FBXO40: variants seen among roughly 807,000 people sequenced by gnomAD.
The protein encoded by FBXO40 is F-box only protein 40.
In FBXO40, 50 loss-of-function variants were observed where a neutral mutation model predicts 49.9. The ratio of observed to expected loss-of-function variants is 1.00; its 90% CI spans 0.80 to 1.27. The LOEUF is 1.27. Ranked by LOEUF, FBXO40 falls within the 50% of genes most tolerant of loss-of-function variation. FBXO40 has a pLI of 0.00. For synonymous variants in FBXO40, 340 were observed against 320.2 expected (o/e 1.06, Z -0.66); for missense variants, 895 against 870.1 (o/e 1.03, Z -0.36).
At chr3:121,613,283 T>C (rs2048977681) in intron 1 of FBXO40, among the ~76,000 whole-genome samples, 1 of 152,110 alleles carries the variant, frequency 6.6e-6, no homozygotes, top group Admixed American at 6.6e-5. Flanking sequence ...TAGTGCCAAT[T>C]TGGCCAAGGG....
intron 1 of FBXO40, among the ~76,000 whole-genome samples, chr3:121,597,795 G>A (rs942192390): frequency 6.6e-6 from 1 of 151,452 alleles, no homozygotes; most frequent in African/African-American, 2.4e-5. Flanking sequence ...CCGAGCGTCT[G>A]GGATTACAGG....
At chr3:121,619,529 A>G (rs576833203) in intron 1 of FBXO40, among the ~76,000 whole-genome samples, 2 of 152,324 alleles carry the variant, frequency 1.3e-5, no homozygotes, top group East Asian at 3.9e-4. Context: ...GAGTATTTTT[A>G]TTTCGATATA....
chr3:121,607,974 A>C (rs1401861412), intron 1 of FBXO40, among the ~76,000 whole-genome samples: 1 of 152,198 alleles, frequency 6.6e-6, no homozygotes, highest in East Asian at 1.9e-4. Context: ...GGCATTAGTA[A>C]TTTGTTATCA....
At position 121,629,703 on chromosome 3, in the gene FBXO40, A is replaced by G. The variant is rs947467938; in HGVS notation, c.*2793A>G. On this transcript the variant is annotated 3_prime_UTR_variant, in exon 4 of 4. Coordinates refer to ENST00000338040, the MANE Select transcript of FBXO40 (RefSeq NM_016298.4). ...CTCTCCCCCTCCAGTTGCTGCCTTC[A>G]GAGCCGTACTGAAGCACGAGCTTCA... The G allele has an allele frequency of 5.3e-5, 8 of 152,262 alleles. No individual in the cohort carries two copies. Among genetic ancestry groups the G allele is most frequent in the Non-Finnish European group, 1.2e-4 (8 of 68,086 alleles). The allele number at this position is 152,262 out of a possible 1,614,324, so 9.4% of individuals were successfully genotyped here.
chr3:121,606,246 T>G (rs2048931498), intron 1 of FBXO40, among the ~76,000 whole-genome samples: 1 of 152,168 alleles, frequency 6.6e-6, no homozygotes, highest in South Asian at 2.1e-4. Flanking sequence ...GTAAACTAGA[T>G]TAGCAGACTG....
At chr3:121,603,998 G>A (rs1375747648) in intron 1 of FBXO40, among the ~76,000 whole-genome samples, 13 of 152,216 alleles carry the variant, frequency 8.5e-5, no homozygotes, top group South Asian at 2.1e-4. Flanking sequence ...GATTACAGGC[G>A]TGGGCCACCA....
At chr3:121,612,425 C>T (rs1474914654) in intron 1 of FBXO40, among the ~76,000 whole-genome samples, 1 of 152,134 alleles carries the variant, frequency 6.6e-6, no homozygotes, top group Non-Finnish European at 1.5e-5. Context: ...ATACTTTGGA[C>T]ACTTCTGGGG....
At chr3:121,604,418 C>T (rs948866422) in intron 1 of FBXO40, among the ~76,000 whole-genome samples, 4 of 152,140 alleles carry the variant, frequency 2.6e-5, no homozygotes, top group African/African-American at 9.7e-5. Context: ...CCCTACATTC[C>T]ATGCAAAACA....
intron 1 of FBXO40, among the ~76,000 whole-genome samples, chr3:121,619,090 G>A (rs2049015426): frequency 6.6e-6 from 1 of 151,926 alleles, no homozygotes; most frequent in Non-Finnish European, 1.5e-5. Context: ...TGACCTCTCA[G>A]GCTCAAGCGA....
At chr3:121,614,475 T>A (rs368473878) in intron 1 of FBXO40, among the ~76,000 whole-genome samples, 1 of 151,202 alleles carries the variant, frequency 6.6e-6, no homozygotes, top group African/African-American at 2.4e-5. Context: ...GCTAAACTGT[T>A]TGGGCCATCC....
intron 1 of FBXO40, among the ~76,000 whole-genome samples, chr3:121,596,424 C>T (rs1458472058): frequency 6.6e-6 from 1 of 152,220 alleles, no homozygotes; most frequent in South Asian, 2.1e-4. Context: ...AGACCCTTTC[C>T]TTTCAAAATG....
At chr3:121,619,068 T>C (rs2049015223) in intron 1 of FBXO40, among the ~76,000 whole-genome samples, 1 of 152,068 alleles carries the variant, frequency 6.6e-6, no homozygotes, top group African/African-American at 2.4e-5. Flanking sequence ...TCATTACAGC[T>C]CACTGCAGCC....
intron 1 of FBXO40, among the ~76,000 whole-genome samples, chr3:121,614,820 C>G (rs2048988121): frequency 6.6e-6 from 1 of 152,130 alleles, no homozygotes; most frequent in African/African-American, 2.4e-5. Flanking sequence ...TCTTATTGTC[C>G]ATCCATACAA....
chr3:121,595,528 TAGAG>T (rs1356982093), intron 1 of FBXO40, among the ~76,000 whole-genome samples: 1 of 152,226 alleles, frequency 6.6e-6, no homozygotes, highest in South Asian at 2.1e-4. Context: ...AGTATAAAGT[TAGAG>T]AGATTTCTAG....
chr3:121,622,542 G>C lies in FBXO40; in HGVS notation c.1113G>C (p.Lys371Asn). The C allele has an allele frequency of 6.2e-7, 1 of 1,614,192 alleles. No homozygotes were observed. Among genetic ancestry groups the C allele is most frequent in the Non-Finnish European group, 8.5e-7 (1 of 1,180,030 alleles). The change falls in exon 3 of 4, where the codon AAG becomes AAC. Residue 371 changes from lysine (K) to asparagine (N), a missense_variant. Physicochemically the swap from Lys to Asn is moderately conservative, Grantham distance 94. Coordinates refer to ENST00000338040, the MANE Select transcript of FBXO40 (RefSeq NM_016298.4). ...TTGGAGATGCCATGTTGAGTTGTAA[G>C]CCAAGTGAACACAAGGCAGTGGATA... ...ARLGDAMLSC[K>N]PSEHKAVDTS... is the part of the protein sequence containing the mutation.
At chr3:121,599,724 A>ATATATT (rs1426456952) in intron 1 of FBXO40, among the ~76,000 whole-genome samples, 2 of 97,164 alleles carry the variant, frequency 2.1e-5, no homozygotes, top group African/African-American at 8.3e-5. Context: ...ATATATATAT[A>ATATATT]TTTTTTTTTT....
intron 1 of FBXO40, among the ~76,000 whole-genome samples, chr3:121,600,579 G>A (rs2048896818): frequency 6.6e-6 from 1 of 152,162 alleles, no homozygotes; most frequent in African/African-American, 2.4e-5. Context: ...ACTATTCTGT[G>A]CCCCAACTCT....
chr3:121,619,816 C>T (rs2049020452), intron 1 of FBXO40, among the ~76,000 whole-genome samples: 4 of 152,204 alleles, frequency 2.6e-5, no homozygotes, highest in Admixed American at 2.6e-4. Context: ...AGTCTGCCTT[C>T]TAACCACTAA....
chr3:121,616,805 G>C (rs1317267265), intron 1 of FBXO40, among the ~76,000 whole-genome samples: 1 of 152,150 alleles, frequency 6.6e-6, no homozygotes, highest in Non-Finnish European at 1.5e-5. Flanking sequence ...GAAAATGTGG[G>C]GGACTGTTCC....
Sources: gnomAD v4.1 joint callset for allele counts (sites outside exome capture counted in the v4.1 genomes callset) on GRCh38, gnomAD v4.1.1 for gene constraint, MANE v1.5 for transcripts, NCBI Gene and HGNC (gene_info 2026-07-23, HGNC 2026-07-21) for gene names.